Variants in SAMD12 observed in about 807,000 individuals in gnomAD.
The protein encoded by SAMD12 is sterile alpha motif domain containing 12.
In SAMD12, 9 loss-of-function variants were observed where a neutral mutation model predicts 15.0. The ratio of observed to expected loss-of-function variants is 0.60; its 90% CI spans 0.36 to 1.05. SAMD12 has a LOEUF of 1.05. Ranked by LOEUF, SAMD12 falls within the 50% of genes least tolerant of loss-of-function variation. The pLI is 0.01. For missense variants in SAMD12, 230 were observed against 234.2 expected (o/e 0.98, Z 0.12); for synonymous variants, 86 against 90.1 (o/e 0.96, Z 0.25).
At chr8:118,577,890 T>C (rs1254753443) in intron 2 of SAMD12, among the ~76,000 whole-genome samples, 1 of 152,106 alleles carries the variant, frequency 6.6e-6, no homozygotes, top group Non-Finnish European at 1.5e-5. Flanking sequence ...GAAAAAGTCA[T>C]GGTTGAGCTA....
At chr8:118,277,133 AC>A (rs1287633661) in intron 4 of SAMD12, among the ~76,000 whole-genome samples, 2 of 151,372 alleles carry the variant, frequency 1.3e-5, no homozygotes, top group Admixed American at 6.6e-5. Context: ...ATTATATTTC[AC>A]CCTTTGGACT....
chr8:118,522,334 C>G (rs915751376), intron 2 of SAMD12, among the ~76,000 whole-genome samples: 2 of 151,976 alleles, frequency 1.3e-5, no homozygotes, highest in African/African-American at 4.8e-5. Context: ...GCTTTGTGGG[C>G]AGGGGAAAAA....
chr8:118,610,202 A>G (rs1009200841), intron 1 of SAMD12, among the ~76,000 whole-genome samples: 1 of 152,344 alleles, frequency 6.6e-6, no homozygotes, highest in East Asian at 1.9e-4. Context: ...GCAAAAGTGT[A>G]GAAAGCTAAT....
chr8:118,257,064 G>T (rs1201296507), intron 4 of SAMD12, among the ~76,000 whole-genome samples: 1 of 151,960 alleles, frequency 6.6e-6, no homozygotes, highest in African/African-American at 2.4e-5. Context: ...AGACATTGTA[G>T]GCATACCAGA....
At position 118,612,821 on chromosome 8, in the gene SAMD12, A is replaced by G. The variant is rs1229175813; in HGVS notation, c.13+8983T>C. Among the ~76,000 whole-genome samples the G allele has an allele frequency of 1.3e-5, 2 of 152,256 alleles. 1 individual carries two copies. The highest frequency in any genetic ancestry group is 2.9e-5 in the Non-Finnish European group (2 of 68,050). The stretch of plus-strand genomic sequence containing the variant: ...CTGGAAACAACCTAAATGTACTTCA[A>G]TTAGTGAATAAACTGCTGTATAGAT... On this transcript the variant is annotated intron_variant, in intron 1 of 3. Transcript: ENST00000314727.
intron 4 of SAMD12, among the ~76,000 whole-genome samples, chr8:118,311,316 C>T (rs1199347613): frequency 1.3e-5 from 2 of 152,186 alleles, no homozygotes; most frequent in African/African-American, 4.8e-5. Flanking sequence ...GGCCTGTGGC[C>T]AAATCTAACC....
intron 4 of SAMD12, among the ~76,000 whole-genome samples, chr8:118,264,186 G>T (rs1302697673): frequency 6.6e-6 from 1 of 151,996 alleles, no homozygotes; most frequent in Admixed American, 6.6e-5. Context: ...AGCTTTTGTT[G>T]TATTGGCATC....
intron 4 of SAMD12, chr8:118,282,409 T>C: frequency 2.2e-6 from 1 of 454,504 alleles, no homozygotes; most frequent in South Asian, 1.6e-5. Context: ...CACCTGCCTA[T>C]TCCTTCTGCA....
At chr8:118,552,721 G>C (rs561660278) in intron 2 of SAMD12, among the ~76,000 whole-genome samples, 2,682 of 152,270 alleles carry the variant, frequency 0.018, 84 homozygotes, top group African/African-American at 0.061. Context: ...TATTCAATTA[G>C]GAAAAGAGGA....
intron 2 of SAMD12, among the ~76,000 whole-genome samples, chr8:118,534,345 A>G: frequency 6.6e-6 from 1 of 152,052 alleles, no homozygotes. Flanking sequence ...TTTGTGGGTA[A>G]CCCGACCTTG....
chr8:118,466,489 C>T (rs1484867805), intron 2 of SAMD12, among the ~76,000 whole-genome samples: 1 of 152,172 alleles, frequency 6.6e-6, no homozygotes, highest in Non-Finnish European at 1.5e-5. Flanking sequence ...CTTTTATTCA[C>T]CCTTATTCAC....
Position 118,253,812 on chromosome 8 carries a change from C to T in SAMD12, c.434-56080G>A, listed in dbSNP as rs183293769. ...AAAGGCAACACAGAGGTGATTTCTG[C>T]GAAATCAAAACCCACTTATTCTTAA... is the stretch of plus-strand genomic sequence containing the variant. On this transcript the variant is annotated intron_variant, in intron 4 of 4. Coordinates refer to the SAMD12 transcript ENST00000409003. 2.6e-3 allele frequency among the ~76,000 whole-genome samples: 403 copies of T among 152,210 alleles called. 1 individual carries two copies. The highest frequency in any genetic ancestry group is 4.1e-3 in the Non-Finnish European group (279 of 67,990).
intron 4 of SAMD12, among the ~76,000 whole-genome samples, chr8:118,271,253 G>A (rs1265776047): frequency 6.6e-6 from 1 of 152,138 alleles, no homozygotes; most frequent in Non-Finnish European, 1.5e-5. Flanking sequence ...GGTAGCAGGA[G>A]AGAGAAGTGC....
intron 2 of SAMD12, among the ~76,000 whole-genome samples, chr8:118,560,145 A>G (rs1352349614): frequency 6.6e-6 from 1 of 152,200 alleles, no homozygotes; most frequent in Non-Finnish European, 1.5e-5. Flanking sequence ...AATTTCCAAA[A>G]ATTTCAAAAG....
chr8:118,170,439 T>G, the SAMD12 span, among the ~76,000 whole-genome samples: 5 of 152,312 alleles, frequency 3.3e-5, no homozygotes, highest in South Asian at 1.0e-3. Context: ...TGGGAACACA[T>G]AATTCTCAAC....
chr8:118,306,126 T>A (rs1411803115), intron 4 of SAMD12, among the ~76,000 whole-genome samples: 1 of 152,144 alleles, frequency 6.6e-6, no homozygotes, highest in East Asian at 1.9e-4. Context: ...GTTTCAATAT[T>A]CAGCTCTTTT....
At chr8:118,174,241 T>C in the SAMD12 span, among the ~76,000 whole-genome samples, 1 of 152,180 alleles carries the variant, frequency 6.6e-6, no homozygotes, top group Non-Finnish European at 1.5e-5. Flanking sequence ...GTCATAGTCA[T>C]TTGTTGCATG....
chr8:118,137,622 C>A, the SAMD12 span, among the ~76,000 whole-genome samples: 1 of 152,108 alleles, frequency 6.6e-6, no homozygotes, highest in South Asian at 2.1e-4. Context: ...GGAGGAGTAT[C>A]AGCTTAAATT....
intron 2 of SAMD12, among the ~76,000 whole-genome samples, chr8:118,553,413 G>C (rs1202023039): frequency 1.3e-5 from 2 of 151,996 alleles, no homozygotes; most frequent in African/African-American, 2.4e-5. Context: ...ACAAACCTGA[G>C]AAAAACAAGA....
Sources: gnomAD v4.1 joint callset for allele counts (sites outside exome capture counted in the v4.1 genomes callset) on GRCh38, gnomAD v4.1.1 for gene constraint, MANE v1.5 for transcripts, NCBI Gene and HGNC (gene_info 2026-07-23, HGNC 2026-07-21) for gene names.